The following USP30 variants were observed in gnomAD, a reference collection of about 807,000 sequenced individuals.
USP30 encodes ubiquitin carboxyl-terminal hydrolase 30.
USP30 carries 41 observed loss-of-function variants against 68.2 expected under a neutral mutation model. The observed-to-expected ratio is 0.60, with a 90% CI of 0.47 to 0.78. USP30 has a LOEUF of 0.78. USP30 is among the 30% of genes least tolerant of loss of function. USP30 has a pLI of 0.00. For missense variants in USP30, 522 were observed against 649.4 expected (o/e 0.80, Z 2.13); for synonymous variants, 229 against 253.7 (o/e 0.90, Z 0.93).
At chr12:109,046,405 A>C (rs1593226948) in intron 3 of USP30, among the ~76,000 whole-genome samples, 1 of 138,040 alleles carries the variant, frequency 7.2e-6, no homozygotes. Flanking sequence ...GAGCCATTGC[A>C]CCCAGCCCAG....
intron 2 of USP30, among the ~76,000 whole-genome samples, chr12:109,025,713 C>T (rs952898919): frequency 3.3e-5 from 5 of 152,000 alleles, no homozygotes; most frequent in African/African-American, 1.2e-4. Context: ...GCTCTGTCAC[C>T]CAGGCTGGAG....
intron 3 of USP30, among the ~76,000 whole-genome samples, chr12:109,042,961 A>G (rs1278084566): frequency 6.6e-6 from 1 of 152,236 alleles, no homozygotes; most frequent in Non-Finnish European, 1.5e-5. Flanking sequence ...GATACTAACA[A>G]TGAATAATCT....
intron 3 of USP30, among the ~76,000 whole-genome samples, chr12:109,067,294 T>C (rs2135756821): frequency 6.6e-6 from 1 of 150,918 alleles, no homozygotes; most frequent in East Asian, 2.0e-4. Context: ...TTTTTTTTTA[T>C]TTTTAGTGGA....
chr12:109,033,790 C>G (rs778556756), intron 3 of USP30, among the ~76,000 whole-genome samples: 61 of 152,162 alleles, frequency 4.0e-4, no homozygotes, highest in Non-Finnish European at 6.8e-4. Context: ...AGAGGTGAGG[C>G]TTGGTTAAGA....
At chr12:109,067,107 ATTTTTTTTTTT>A (rs754748366) in intron 3 of USP30, among the ~76,000 whole-genome samples, 1 of 104,570 alleles carries the variant, frequency 9.6e-6, no homozygotes, top group African/African-American at 4.2e-5. Context: ...ACAGTCCTTA[ATTTTTTTTTTT>A]TTTTTTTTTT....
At position 109,055,400 on chromosome 12, in the gene USP30, A is replaced by ATATATATATATTTT. The variant is rs1298811530; in HGVS notation, c.84-1281_84-1280insATATATATATTTTT. Reference sequence around the variant, plus strand: ...TATACATATATATATATATATATATATTTTTTTTTTTTTTTTTTTTGAGGC... The same window carrying ATATATATATATTTT: ...TATACATATATATATATATATATATATATATATATATTTTTTTTTTTTTTTTTTTTTTTTGAGGC... On this transcript the variant is annotated intron_variant, in intron 1 of 12. Coordinates refer to ENST00000257548, the MANE Select transcript of USP30 (RefSeq NM_032663.5). 2.7e-3 allele frequency among the ~76,000 whole-genome samples: 65 copies of ATATATATATATTTT among 24,468 alleles called. 3 individuals carry two copies. The highest frequency in any genetic ancestry group is 6.9e-3 in the African/African-American group (62 of 9,018). The allele number at this position is 24,468 out of a possible 152,430, so 16.1% of individuals were successfully genotyped here. A position where few individuals can be genotyped will look rare whatever the true frequency, so the allele number is the denominator to read the frequency against.
At chr12:109,078,279 C>T (rs929999216) in intron 7 of USP30, among the ~76,000 whole-genome samples, 5 of 152,072 alleles carry the variant, frequency 3.3e-5, no homozygotes, top group Non-Finnish European at 7.4e-5. Flanking sequence ...CAAAAATTAG[C>T]TGGGCCTGGT....
chr12:109,028,515 T>C (rs1481644576), intron 3 of USP30, among the ~76,000 whole-genome samples: 2 of 152,048 alleles, frequency 1.3e-5, no homozygotes, highest in Non-Finnish European at 2.9e-5. Flanking sequence ...TTCCCTCTTG[T>C]CGCCCAGACT....
chr12:109,082,476 T>C (rs558443470), intron 9 of USP30, 187 bp from the exon 10 acceptor site: 111 of 600,374 alleles, frequency 1.8e-4, no homozygotes, highest in Middle Eastern at 1.5e-3. Context: ...CCCTCCACTG[T>C]TTCTGTTATT....
Position 109,052,751 on chromosome 12 carries a change from G to A in USP30, c.73G>A (p.Ala25Thr), listed in dbSNP as rs776404631. Reference protein sequence around the residue: ...RAIQRFLRTGAAVRYKVMKNW... With the variant: ...RAIQRFLRTGTAVRYKVMKNW... ...CATCCAGCGCTTCCTGCGGACCGGGGCGGCCGTCAGGTGAGATTTTGGGGG... is the reference window on the plus strand; with the variant it reads ...CATCCAGCGCTTCCTGCGGACCGGGACGGCCGTCAGGTGAGATTTTGGGGG... Residue 25 changes from alanine to threonine, a missense_variant, in exon 1 of 13, where the codon GCG becomes ACG. Ala to Thr is a moderately conservative substitution (Grantham distance 58). Coordinates refer to ENST00000257548, the MANE Select transcript of USP30 (RefSeq NM_032663.5). 12 of 1,456,134 alleles carry A rather than the reference G, an allele frequency of 8.2e-6. No homozygotes were observed. Among genetic ancestry groups the A allele is most frequent in the Non-Finnish European group, 1.1e-5 (12 of 1,105,410 alleles). 90.2% of individuals were successfully genotyped at this position (1,456,134 alleles called of 1,614,324 possible).
chr12:109,055,591 G>A (rs2040845317), intron 1 of USP30, among the ~76,000 whole-genome samples: 1 of 146,704 alleles, frequency 6.8e-6, no homozygotes, highest in Admixed American at 7.0e-5. Context: ...GTAGAGACAG[G>A]GTTTCACCGT....
rs187792479 is a variant in USP30, at chr12:109,036,057, G to A, written c.-136+8501G>A. Among the ~76,000 whole-genome samples the A allele has an allele frequency of 5.1e-4, 78 of 152,294 alleles. No homozygotes were observed. The East Asian group carries it at 0.015, about 29-fold the overall frequency. The stretch of plus-strand genomic sequence containing the variant: ...TGGCTGTAGTCCCAGCTAATTGGGA[G>A]GCTGAGGTGGGAGGATTGCTTGAGA... On this transcript the variant is annotated intron_variant, in intron 3 of 15. Coordinates refer to the USP30 transcript ENST00000392784.
At chr12:109,031,119 C>T (rs1052741285) in intron 3 of USP30, among the ~76,000 whole-genome samples, 1 of 151,916 alleles carries the variant, frequency 6.6e-6, no homozygotes, top group African/African-American at 2.4e-5. Flanking sequence ...TACTTTTGAG[C>T]CATCTTAATA....
chr12:109,077,359 T>C (rs1049722360), intron 7 of USP30, among the ~76,000 whole-genome samples: 1 of 152,120 alleles, frequency 6.6e-6, no homozygotes, highest in African/African-American at 2.4e-5. Flanking sequence ...TTTCTGCTAA[T>C]TTTTTTTAAA....
At chr12:109,081,766 G>A in intron 8 of USP30, 167 bp from the exon 9 acceptor site, 1 of 682,940 alleles carries the variant, frequency 1.5e-6, no homozygotes, top group South Asian at 1.8e-5. Context: ...TAGCAGTCTA[G>A]GGTGCTTTGA....
intron 3 of USP30, among the ~76,000 whole-genome samples, chr12:109,059,728 G>A (rs2135726288): frequency 1.3e-5 from 2 of 152,184 alleles, no homozygotes; most frequent in Middle Eastern, 6.8e-3. Flanking sequence ...AGCCAGACAT[G>A]TCTCGAACTC....
In USP30 at chr12:109,086,342, G is replaced by T. The variant is rs2041947696; in HGVS notation, c.*411G>T. ...GCAGGCCCATAAAAATTGTTGACAA[G>T]AATTAATGAAATTATTAAAGGCAAC... On this transcript the variant is annotated 3_prime_UTR_variant, in exon 13 of 13. Coordinates refer to ENST00000257548, the MANE Select transcript of USP30 (RefSeq NM_032663.5). 1 of 162,030 alleles carries T rather than the reference G, an allele frequency of 6.2e-6. No individual in the cohort carries two copies. Among genetic ancestry groups the T allele is most frequent in the African/African-American group, 2.4e-5 (1 of 41,692 alleles). The allele number at this position is 162,030 out of a possible 1,614,324, so 10.0% of individuals were successfully genotyped here. A position where few individuals can be genotyped will look rare whatever the true frequency, so the allele number is the denominator to read the frequency against.
chr12:109,032,735 A>G (rs1226393624), intron 3 of USP30, among the ~76,000 whole-genome samples: 1 of 152,252 alleles, frequency 6.6e-6, no homozygotes, highest in Non-Finnish European at 1.5e-5. Flanking sequence ...TAGATGTGAT[A>G]GTTGCACAAC....
At chr12:109,030,561 A>G (rs2040473679) in intron 3 of USP30, among the ~76,000 whole-genome samples, 1 of 152,190 alleles carries the variant, frequency 6.6e-6, no homozygotes. Flanking sequence ...AAATTTCTTA[A>G]AAGGGTAGAT....
Sources: allele counts gnomAD v4.1 joint callset (sites outside exome capture counted in the v4.1 genomes callset), GRCh38; gene constraint gnomAD v4.1.1; transcripts MANE v1.5; gene names NCBI Gene and HGNC (gene_info 2026-07-23, HGNC 2026-07-21).